The following CNTN3 variants were observed in gnomAD, a reference collection of about 807,000 sequenced individuals.
CNTN3 encodes the protein contactin-3.
A neutral mutation model predicts 119.1 loss-of-function variants in CNTN3; 60 were observed. The ratio of observed to expected loss-of-function variants is 0.50; its 90% confidence interval spans 0.41 to 0.62. The LOEUF (loss-of-function observed/expected upper bound fraction) is 0.62. Among genes scored for constraint, CNTN3 ranks in the 20% least tolerant of loss-of-function variants. The probability of loss-of-function intolerance (pLI) is 0.00; values close to 1 mark genes in which losing one functional copy is unlikely to be tolerated. For missense variants in CNTN3, 1,101 were observed against 1,242.4 expected, an observed-to-expected ratio of 0.89 and a Z score of 1.71; for synonymous variants, 450 against 438.7, an observed-to-expected ratio of 1.03 and a Z score of -0.32.
At chr3:74,599,735 G>T (rs1704877684) in intron 1 of CNTN3, among the ~76,000 whole-genome samples, 1 of 152,174 alleles carries the variant, frequency 6.6e-6, no homozygotes, top group South Asian at 2.1e-4. Flanking sequence ...TGTTCATATT[G>T]CATCAGCCAA....
intron 3 of CNTN3, among the ~76,000 whole-genome samples, chr3:74,491,591 A>G (rs1332805491): frequency 6.6e-6 from 1 of 152,100 alleles, no homozygotes; most frequent in East Asian, 1.9e-4. Flanking sequence ...TGTCCAATAA[A>G]TCTTCAAATT....
chr3:74,520,197 A>T (rs1703519677), intron 2 of CNTN3, among the ~76,000 whole-genome samples: 1 of 151,368 alleles, frequency 6.6e-6, no homozygotes, highest in African/African-American at 2.4e-5. Context: ...GCTTTTTATG[A>T]CTTACTTTCA....
intron 5 of CNTN3, among the ~76,000 whole-genome samples, chr3:74,412,334 G>A (rs985250337): frequency 6.6e-6 from 1 of 152,156 alleles, no homozygotes; most frequent in Non-Finnish European, 1.5e-5. Flanking sequence ...TAGACTGGAA[G>A]GGGAGAATGT....
In CNTN3 at chr3:74,285,495, GTGGGCGGAAGACACCAAACA is replaced by G; in HGVS notation, c.2518-24_2518-5del. 6.2e-7 allele frequency: 1 copy of G among 1,601,976 alleles called. No individual in the cohort carries two copies. Among genetic ancestry groups the G allele is most frequent in the Non-Finnish European group, 8.5e-7 (1 of 1,175,288 alleles). ...CACCCCCATTCCAGTACCGCACCTG[GTGGGCGGAAGACACCAAACA>G]TGTGAAGGCTTAAAAAATTCTGCCC... is the stretch of plus-strand genomic sequence containing the variant. On this transcript the variant is annotated splice_polypyrimidine_tract_variant and splice_region_variant and intron_variant, in intron 19 of 22. Transcript: ENST00000263665.
At chr3:74,520,004 C>G (rs1459889320) in intron 2 of CNTN3, among the ~76,000 whole-genome samples, 1 of 151,542 alleles carries the variant, frequency 6.6e-6, no homozygotes, top group Non-Finnish European at 1.5e-5. Flanking sequence ...CCAATCTATT[C>G]ATGTCTTTAA....
intron 4 of CNTN3, among the ~76,000 whole-genome samples, chr3:74,476,436 T>C (rs1214999615): frequency 1.3e-5 from 2 of 152,262 alleles, no homozygotes; most frequent in African/African-American, 2.4e-5. Flanking sequence ...TAACAGCTGC[T>C]AGGTAAGGAC....
intron 1 of CNTN3, among the ~76,000 whole-genome samples, chr3:74,531,995 A>G (rs1212948600): frequency 2.0e-5 from 3 of 151,938 alleles, no homozygotes; most frequent in African/African-American, 7.2e-5. Flanking sequence ...AAATGTTTTA[A>G]GTCATAAAGA....
chr3:74,301,281 A>G (rs186745846), intron 16 of CNTN3, 117 bp downstream of exon 16: 2 of 1,063,832 alleles, frequency 1.9e-6, no homozygotes, highest in Admixed American at 4.5e-5. Flanking sequence ...GAAAGGTTAG[A>G]TAACTGCAAC....
At chr3:74,442,329 C>T (rs1008282479) in intron 4 of CNTN3, among the ~76,000 whole-genome samples, 1 of 152,080 alleles carries the variant, frequency 6.6e-6, no homozygotes, top group Non-Finnish European at 1.5e-5. Context: ...AACATGTCAG[C>T]TCTGCTTGCA....
chr3:74,477,780 T>C (rs897415490), intron 4 of CNTN3, among the ~76,000 whole-genome samples: 9 of 152,106 alleles, frequency 5.9e-5, no homozygotes, highest in Admixed American at 2.0e-4. Flanking sequence ...ATTGTATGTC[T>C]GTATCAAAAT....
chr3:74,334,694 A>T, intron 13 of CNTN3, 41 bp downstream of exon 13: 12 of 1,549,668 alleles, frequency 7.7e-6, no homozygotes, highest in Non-Finnish European at 1.1e-5. Context: ...TGCCAGAGAC[A>T]CATGCAATAT....
At chr3:74,317,061 T>C (rs1702848157) in intron 13 of CNTN3, among the ~76,000 whole-genome samples, 1 of 151,454 alleles carries the variant, frequency 6.6e-6, no homozygotes, top group Admixed American at 6.6e-5. Flanking sequence ...TAGCTCTTCT[T>C]GTTGAATTGA....
chr3:74,544,461 G>C (rs1408717240), intron 1 of CNTN3, among the ~76,000 whole-genome samples: 3 of 152,134 alleles, frequency 2.0e-5, no homozygotes, highest in Non-Finnish European at 4.4e-5. Context: ...AGCTTATCCA[G>C]AGTCCCTTGG....
In CNTN3 at chr3:74,565,647, C is replaced by T. The variant is rs139382124; in HGVS notation, c.-80-44455G>A. ...TATTATTTTCACTCACAACCTCCAA[C>T]GTGACATTAGACACATCCAACTGCA... On this transcript the variant is annotated intron_variant, in intron 1 of 22. Coordinates refer to ENST00000263665, the MANE Select transcript of CNTN3 (RefSeq NM_020872.3). 8.7e-3 allele frequency among the ~76,000 whole-genome samples: 1,325 copies of T among 152,206 alleles called. 5 individuals carry two copies. The highest frequency in any genetic ancestry group is 0.024 in the Middle Eastern group (7 of 294).
chr3:74,441,080 C>A (rs1464425503), intron 4 of CNTN3, among the ~76,000 whole-genome samples: 1 of 151,892 alleles, frequency 6.6e-6, no homozygotes, highest in East Asian at 1.9e-4. Flanking sequence ...ATTTTATAAG[C>A]AAGCAAATGA....
At chr3:74,611,366 A>G (rs1705079075) in intron 1 of CNTN3, among the ~76,000 whole-genome samples, 1 of 152,188 alleles carries the variant, frequency 6.6e-6, no homozygotes, top group Admixed American at 6.5e-5. Context: ...TGTACATAAA[A>G]GGGGGAAAAT....
At position 74,307,554 on chromosome 3, in the gene CNTN3, G is replaced by A. The variant is rs1297259895; in HGVS notation, c.1669-4747C>T. Among the ~76,000 whole-genome samples, 3 of 152,054 alleles carry A rather than the reference G, an allele frequency of 2.0e-5. No individual in the cohort carries two copies. In the East Asian group the frequency reaches 5.8e-4, roughly 29 times the overall value. ...ACTTTTCCCCTGTATTTTCTTAGAT[G>A]ATGACACTAATGGAATTTTTGATGT... On this transcript the variant is annotated intron_variant, in intron 13 of 22. Coordinates refer to ENST00000263665, the MANE Select transcript of CNTN3 (RefSeq NM_020872.3).
intron 20 of CNTN3, among the ~76,000 whole-genome samples, chr3:74,280,871 G>A (rs898277394): frequency 6.6e-6 from 1 of 152,162 alleles, no homozygotes; most frequent in African/African-American, 2.4e-5. Context: ...CTATGCACAA[G>A]GATAAAACAG....
intron 11 of CNTN3, among the ~76,000 whole-genome samples, chr3:74,343,945 A>G (rs1703612009): frequency 6.6e-6 from 1 of 152,202 alleles, no homozygotes; most frequent in African/African-American, 2.4e-5. Context: ...TTTACAACAA[A>G]AAGACCAAAA....
Sources: allele counts gnomAD v4.1 joint callset (sites outside exome capture counted in the v4.1 genomes callset), GRCh38; gene constraint gnomAD v4.1.1; transcripts MANE v1.5; gene names NCBI Gene and HGNC (gene_info 2026-07-23, HGNC 2026-07-21).